APBB2: variants seen among roughly 807,000 people sequenced by gnomAD.
APBB2 encodes the protein Fe65-like 1.
APBB2 carries 38 observed loss-of-function variants against 82.5 expected under a neutral mutation model. The ratio of observed to expected loss-of-function variants is 0.46; its 90% CI spans 0.36 to 0.60. The LOEUF (loss-of-function observed/expected upper bound fraction) is 0.60, where lower values mean the gene tolerates loss of function less well. Ranked by LOEUF, APBB2 falls within the 20% of genes least tolerant of loss-of-function variation. The pLI, the probability that APBB2 is intolerant of heterozygous loss-of-function variation, is 0.00. For missense variants in APBB2, 772 were observed against 972.3 expected (o/e 0.79, Z 2.74); for synonymous variants, 341 against 368.2 (o/e 0.93, Z 0.85).
At chr4:40,994,259 C>A (rs925275106) in intron 6 of APBB2, among the ~76,000 whole-genome samples, 1 of 148,216 alleles carries the variant, frequency 6.7e-6, no homozygotes, top group African/African-American at 2.5e-5. Context: ...TGCACTCCAG[C>A]CTGGGCAACA....
At chr4:41,123,556 G>A (rs1356476725) in intron 2 of APBB2, among the ~76,000 whole-genome samples, 1 of 152,214 alleles carries the variant, frequency 6.6e-6, no homozygotes, top group African/African-American at 2.4e-5. Flanking sequence ...CAGAGGCTGA[G>A]TGTGGTGGCT....
chr4:40,861,998 A>T (rs886355982), intron 12 of APBB2, among the ~76,000 whole-genome samples: 15 of 152,236 alleles, frequency 9.9e-5, no homozygotes, highest in African/African-American at 3.6e-4. Context: ...AAATTCAACA[A>T]ACCTAACCAC....
chr4:41,033,583 A>ATC (rs1560575305), intron 4 of APBB2, among the ~76,000 whole-genome samples: 4 of 57,376 alleles, frequency 7.0e-5, no homozygotes, highest in Admixed American at 2.1e-4. Flanking sequence ...GCTTTTTCTC[A>ATC]TCACACACAC....
chr4:40,923,221 C>T (rs896114919), intron 10 of APBB2, among the ~76,000 whole-genome samples: 8 of 152,106 alleles, frequency 5.3e-5, no homozygotes, highest in East Asian at 3.9e-4. Flanking sequence ...GTGATCCGCC[C>T]GCCTCGGCCT....
At chr4:40,830,750 T>C (rs765752806) in intron 12 of APBB2, among the ~76,000 whole-genome samples, 173 bp from the exon 13 acceptor site, 2 of 152,166 alleles carry the variant, frequency 1.3e-5, no homozygotes, top group Admixed American at 6.5e-5. Context: ...TTTATGACAA[T>C]TAGAAATTCA....
chr4:40,940,208 G>A (rs1193739536), intron 7 of APBB2, among the ~76,000 whole-genome samples: 1 of 152,172 alleles, frequency 6.6e-6, no homozygotes, highest in Non-Finnish European at 1.5e-5. Flanking sequence ...CAAAGCAATG[G>A]GGTAAGAGCA....
At chr4:40,855,746 A>G (rs77906270) in intron 12 of APBB2, among the ~76,000 whole-genome samples, 1 of 149,282 alleles carries the variant, frequency 6.7e-6, no homozygotes, top group African/African-American at 2.5e-5. Flanking sequence ...AAAAAAAAAA[A>G]CAAAAAAAAG....
intron 3 of APBB2, among the ~76,000 whole-genome samples, chr4:41,071,876 G>T (rs1383670727): frequency 3.3e-5 from 5 of 151,858 alleles, no homozygotes; most frequent in Non-Finnish European, 7.4e-5. Flanking sequence ...ATCTTTGTTT[G>T]GTGACACAGG....
At chr4:41,026,653 G>A (rs1714377990) in intron 5 of APBB2, among the ~76,000 whole-genome samples, 1 of 152,158 alleles carries the variant, frequency 6.6e-6, no homozygotes, top group African/African-American at 2.4e-5. Context: ...GTTGTAGCAT[G>A]TATCAGTACT....
chr4:40,951,956 G>T (rs193254730), intron 6 of APBB2, among the ~76,000 whole-genome samples: 1 of 152,080 alleles, frequency 6.6e-6, no homozygotes, highest in Non-Finnish European at 1.5e-5. Flanking sequence ...GAGGCCAAGG[G>T]GGGGTGGATC....
At chr4:41,177,964 G>C (rs974174234) in intron 1 of APBB2, among the ~76,000 whole-genome samples, 5 of 152,192 alleles carry the variant, frequency 3.3e-5, no homozygotes, top group Middle Eastern at 3.4e-3. Context: ...GAGCACTTTG[G>C]ATTTCAGATT....
chr4:40,971,075 G>A (rs1199918397), intron 6 of APBB2, among the ~76,000 whole-genome samples: 9 of 152,116 alleles, frequency 5.9e-5, no homozygotes, highest in Admixed American at 5.9e-4. Context: ...CCTAGTATGG[G>A]TGAACCTTCA....
intron 1 of APBB2, among the ~76,000 whole-genome samples, chr4:41,199,708 T>C (rs1346776672): frequency 6.6e-6 from 1 of 152,190 alleles, no homozygotes; most frequent in Non-Finnish European, 1.5e-5. Context: ...TGACAATAAC[T>C]AGCCTTCAAG....
chr4:41,004,610 G>T (rs1806168637), intron 6 of APBB2, among the ~76,000 whole-genome samples: 1 of 151,536 alleles, frequency 6.6e-6, no homozygotes, highest in Non-Finnish European at 1.5e-5. Flanking sequence ...GGCAAGGCGG[G>T]TGGATCATGA....
chr4:41,011,647 T>C (rs1391268365), intron 6 of APBB2, among the ~76,000 whole-genome samples: 1 of 152,096 alleles, frequency 6.6e-6, no homozygotes, highest in Non-Finnish European at 1.5e-5. Context: ...CCCAGGCTGG[T>C]CTCAAATTCC....
At chr4:40,868,078 G>T (rs1764488353) in intron 12 of APBB2, among the ~76,000 whole-genome samples, 1 of 150,950 alleles carries the variant, frequency 6.6e-6, no homozygotes, top group Admixed American at 6.6e-5. Context: ...GGCTGGTCTT[G>T]AAATTCTGGC....
At chr4:41,168,425 G>C (rs1383774736) in intron 1 of APBB2, among the ~76,000 whole-genome samples, 1 of 151,450 alleles carries the variant, frequency 6.6e-6, no homozygotes, top group Non-Finnish European at 1.5e-5. Flanking sequence ...TGTCACCCAG[G>C]CTGGAGTGCA....
intron 1 of APBB2, among the ~76,000 whole-genome samples, chr4:41,212,013 T>C (rs1399879939): frequency 1.3e-5 from 2 of 152,182 alleles, no homozygotes; most frequent in Admixed American, 6.5e-5. Context: ...TCCATTTTTC[T>C]TAAAAGATAA....
At chr4:41,017,924 C>A (rs956485494) in intron 5 of APBB2, among the ~76,000 whole-genome samples, 7 of 152,148 alleles carry the variant, frequency 4.6e-5, no homozygotes, top group African/African-American at 1.7e-4. Flanking sequence ...TTTCTTTAAA[C>A]CTTCTAATAT....
Sources: allele counts gnomAD v4.1 joint callset (sites outside exome capture counted in the v4.1 genomes callset), GRCh38; gene constraint gnomAD v4.1.1; transcripts MANE v1.5; gene names NCBI Gene and HGNC (gene_info 2026-07-23, HGNC 2026-07-21).